Variants in ABCC8 observed in about 807,000 individuals in gnomAD.
The protein encoded by ABCC8 is ATP binding cassette subfamily C member 8.
Under a neutral mutation model 188.0 loss-of-function variants are expected in ABCC8, and 137 were observed. That is an observed-to-expected ratio of 0.73 (90% confidence interval 0.63 to 0.84). The LOEUF (loss-of-function observed/expected upper bound fraction) is 0.84, where lower values mean the gene tolerates loss of function less well. Ranked by LOEUF, ABCC8 falls within the 40% of genes least tolerant of loss-of-function variation. The pLI is 0.00. For missense variants in ABCC8, 1,750 were observed against 2,072.7 expected (o/e 0.84, Z 3.02); for synonymous variants, 797 against 846.5 (o/e 0.94, Z 1.01).
intron 18 of ABCC8, 139 bp downstream of exon 18, chr11:17,415,165 C>T: frequency 8.2e-7 from 1 of 1,213,174 alleles, no homozygotes; most frequent in Non-Finnish European, 1.2e-6. Context: ...CCTGGTGGAG[C>T]ACAGGGGCCC....
intron 6 of ABCC8, among the ~76,000 whole-genome samples, chr11:17,458,945 C>G (rs550502963): frequency 2.0e-5 from 3 of 152,314 alleles, no homozygotes; most frequent in Non-Finnish European, 4.4e-5. Flanking sequence ...ATTTTGATTT[C>G]TCTCCTCACT....
At chr11:17,475,612 T>C (rs1403101671) in intron 1 of ABCC8, among the ~76,000 whole-genome samples, 3 of 152,224 alleles carry the variant, frequency 2.0e-5, no homozygotes, top group Admixed American at 2.0e-4. Context: ...GTAAATGCTG[T>C]TCTTTTTTGA....
At chr11:17,423,820 C>T (rs1309932565) in intron 16 of ABCC8, among the ~76,000 whole-genome samples, 1 of 152,236 alleles carries the variant, frequency 6.6e-6, no homozygotes, top group Non-Finnish European at 1.5e-5. Flanking sequence ...ATGCCTTCTT[C>T]ATGAGGCTCT....
At chr11:17,423,101 G>T (rs991728088) in intron 16 of ABCC8, among the ~76,000 whole-genome samples, 7 of 151,976 alleles carry the variant, frequency 4.6e-5, no homozygotes. Flanking sequence ...GCTCATGCCT[G>T]TAATCCCAGC....
At chr11:17,400,088 A>C (rs1954158412) in intron 29 of ABCC8, among the ~76,000 whole-genome samples, 1 of 152,222 alleles carries the variant, frequency 6.6e-6, no homozygotes, top group Non-Finnish European at 1.5e-5. Context: ...GGAGGCACCC[A>C]AGACGTACCT....
Position 17,460,607 on chromosome 11 carries a change from G to A in ABCC8, c.892C>T (p.Arg298Cys), listed in dbSNP as rs144705160. 215 of 1,613,100 alleles carry A rather than the reference G, an allele frequency of 1.3e-4. 2 individuals are homozygous for A. In the East Asian group the frequency reaches 1.4e-3, roughly 10 times the overall value. ...CGGAAAGTGCTGCTGAGGACCAGGC[G>A]CCTCCCGAAGGCATGGCTGAGTGCC... is the stretch of plus-strand genomic sequence containing the variant. Reference protein sequence around the residue: ...WQALSHAFGRRLVLSSTFRIL... With the variant: ...WQALSHAFGRCLVLSSTFRIL... Residue 298 changes from arginine to cysteine, a missense_variant, in exon 6 of 39, where the codon CGC becomes TGC. Transcript: ENST00000389817.
chr11:17,406,191 T>C (rs1301666891), intron 26 of ABCC8, among the ~76,000 whole-genome samples: 1 of 152,182 alleles, frequency 6.6e-6, no homozygotes, highest in Non-Finnish European at 1.5e-5. Flanking sequence ...GAGATTTTTA[T>C]CCATCCCATT....
chr11:17,429,120 G>A (rs991908510), intron 12 of ABCC8: 8 of 181,232 alleles, frequency 4.4e-5, no homozygotes, highest in Non-Finnish European at 8.1e-5. Flanking sequence ...TGCTGGAGGA[G>A]GTGTCATTAC....
At chr11:17,430,563 A>C in intron 12 of ABCC8, 1 of 465,730 alleles carries the variant, frequency 2.1e-6, no homozygotes. Context: ...TTTTTTTTTT[A>C]AGTTGTCGTG....
At chr11:17,411,762 GCT>G in intron 21 of ABCC8, among the ~76,000 whole-genome samples, 1 of 152,228 alleles carries the variant, frequency 6.6e-6, no homozygotes, top group Admixed American at 6.5e-5. Flanking sequence ...AACTGGGTGA[GCT>G]CTGTCTCCCT....
At chr11:17,402,386 G>A (rs1364212262) in intron 29 of ABCC8, among the ~76,000 whole-genome samples, 3 of 152,280 alleles carry the variant, frequency 2.0e-5, no homozygotes, top group Non-Finnish European at 4.4e-5. Context: ...GATACATGAA[G>A]ACTTGTCCCA....
rs138722795 is a variant in ABCC8, at chr11:17,406,945, C to T, written c.3105G>A (p.Lys1035=). The change falls in exon 25 of 39, where the codon AAG becomes AAA. Residue 1035 remains lysine (K), a synonymous_variant. Coordinates refer to ENST00000389817, the MANE Select transcript of ABCC8 (RefSeq NM_000352.6). ...VLVAIDYWLA[K]WTDSALTLTP... ...TCAGGGTCAGGGCGCTGTCGGTCCA[C>T]TTGGCCAGCCAGTAGTCGATGGCCA... The T allele has an allele frequency of 5.6e-6, 9 of 1,614,192 alleles. No homozygotes were observed. Among genetic ancestry groups the T allele is most frequent in the Admixed American group, 5.0e-5 (3 of 60,030 alleles).
rs927739139 is a variant in ABCC8, at chr11:17,476,488, G to A, written c.148+141C>T. 4.0e-6 allele frequency: 4 copies of A among 991,892 alleles called. No individual in the cohort carries two copies. The African/African-American group carries it at 5.1e-5, about 13-fold the overall frequency. The allele number at this position is 991,892 out of a possible 1,614,324, so 61.4% of individuals were successfully genotyped here. On this transcript the variant is annotated intron_variant, in intron 1 of 38. Coordinates refer to ENST00000389817, the MANE Select transcript of ABCC8 (RefSeq NM_000352.6). ...TGCGAGTGCGGGGACCGGCGGGCAG[G>A]ACACAGGGCAGGGGACCCCGGGAAC...
rs545603991 is a variant in ABCC8, at chr11:17,430,633, G to A, written c.1817+181C>T. ...GTAAGCAAGTCCTTGCTCAGGGATG[G>A]CGAGCTGGGAAACCATACAGGCCAA... On this transcript the variant is annotated intron_variant, in intron 12 of 38. Transcript: ENST00000389817. 1.7e-4 allele frequency: 131 copies of A among 756,560 alleles called. No individual in the cohort carries two copies. In the African/African-American group the frequency reaches 2.1e-3, roughly 12 times the overall value. 46.9% of individuals were successfully genotyped at this position (756,560 alleles called of 1,614,324 possible).
intron 16 of ABCC8, among the ~76,000 whole-genome samples, chr11:17,422,514 T>A (rs1955392644): frequency 6.6e-6 from 1 of 152,226 alleles, no homozygotes; most frequent in South Asian, 2.1e-4. Flanking sequence ...GCCATTAGAA[T>A]GCATCTTGAC....
rs573150553 is a variant in ABCC8 at position 17,401,098 on chromosome 11, A to T, written c.3650+1563T>A. On this transcript the variant is annotated intron_variant, in intron 29 of 38. Coordinates refer to ENST00000389817, the MANE Select transcript of ABCC8 (RefSeq NM_000352.6). ...TTACAGGAAGCTGGGATCTGCACAC[A>T]AGGGGCTGTGGCCCACTCTAGAAGA... Among the ~76,000 whole-genome samples the T allele has an allele frequency of 3.3e-4, 51 of 152,360 alleles. No homozygotes were observed. The Middle Eastern group carries it at 0.02, about 61-fold the overall frequency.
intron 6 of ABCC8, among the ~76,000 whole-genome samples, chr11:17,456,956 G>C (rs1030644749): frequency 6.6e-6 from 1 of 152,188 alleles, no homozygotes; most frequent in African/African-American, 2.4e-5. Context: ...AGGGGACAGA[G>C]GATCAAGTCA....
At chr11:17,474,833 A>G in intron 2 of ABCC8, 53 bp downstream of exon 2, 1 of 1,592,858 alleles carries the variant, frequency 6.3e-7, no homozygotes, top group Non-Finnish European at 8.6e-7. Flanking sequence ...TGGGCCTTTC[A>G]GGAAGTACCC....
chr11:17,403,391 A>G (rs1954346334), intron 28 of ABCC8, among the ~76,000 whole-genome samples: 1 of 152,212 alleles, frequency 6.6e-6, no homozygotes, highest in Non-Finnish European at 1.5e-5. Context: ...ACTGGGTGCC[A>G]CAGAGACTGG....
Sources: gnomAD v4.1 joint callset for allele counts (sites outside exome capture counted in the v4.1 genomes callset) on GRCh38, gnomAD v4.1.1 for gene constraint, MANE v1.5 for transcripts, NCBI Gene and HGNC (gene_info 2026-07-23, HGNC 2026-07-21) for gene names.